The following PPIP5K2 variants were observed in gnomAD, a reference collection of about 807,000 sequenced individuals.
PPIP5K2 encodes the protein inositol hexakisphosphate and diphosphoinositol-pentakisphosphate kinase 2.
PPIP5K2 carries 105 observed loss-of-function variants against 154.6 expected under a neutral mutation model. The ratio of observed to expected loss-of-function variants is 0.68; its 90% CI spans 0.58 to 0.80. The LOEUF (loss-of-function observed/expected upper bound fraction) is 0.80. Ranked by LOEUF, PPIP5K2 falls within the 30% of genes least tolerant of loss-of-function variation. The probability of loss-of-function intolerance (pLI) is 0.00; values close to 1 mark genes in which losing one functional copy is unlikely to be tolerated. For missense variants in PPIP5K2, 992 were observed against 1,504.6 expected (o/e 0.66, Z 5.64); for synonymous variants, 480 against 490.3 (o/e 0.98, Z 0.28).
At chr5:103,147,513 G>A (rs367889878) in intron 6 of PPIP5K2, among the ~76,000 whole-genome samples, 6 of 151,974 alleles carry the variant, frequency 3.9e-5, no homozygotes, top group East Asian at 3.9e-4. Context: ...CATGTTTGCC[G>A]TTGGGACACA....
intron 5 of PPIP5K2, among the ~76,000 whole-genome samples, chr5:103,144,556 A>G (rs1257642857): frequency 2.6e-5 from 4 of 152,186 alleles, no homozygotes; most frequent in Admixed American, 2.6e-4. Context: ...CCAAAACAGG[A>G]TGGTACTGGC....
chr5:103,139,804 T>C (rs1554205811), intron 5 of PPIP5K2, among the ~76,000 whole-genome samples: 1 of 152,164 alleles, frequency 6.6e-6, no homozygotes. Flanking sequence ...GAATCAGAAT[T>C]GTATCATGAG....
intron 30 of PPIP5K2, among the ~76,000 whole-genome samples, chr5:103,196,922 A>G (rs1424067137): frequency 1.3e-5 from 2 of 152,144 alleles, no homozygotes; most frequent in Admixed American, 1.3e-4. Context: ...ATCATCAACC[A>G]GGAAAGTAGA....
intron 17 of PPIP5K2, among the ~76,000 whole-genome samples, chr5:103,159,888 A>G (rs1393147371): frequency 3.9e-5 from 6 of 152,126 alleles, no homozygotes; most frequent in African/African-American, 1.4e-4. Context: ...CCTTCTGTCC[A>G]ACTGAAATTG....
intron 25 of PPIP5K2, 96 bp downstream of exon 25, chr5:103,183,503 C>A (rs1444422769): frequency 2.9e-6 from 3 of 1,017,456 alleles, no homozygotes; most frequent in African/African-American, 1.7e-5. Context: ...TATTTCACAT[C>A]AGAGTAAATC....
At chr5:103,174,058 A>G (rs1378647834) in intron 21 of PPIP5K2, 86 bp downstream of exon 21, 2 of 1,049,718 alleles carry the variant, frequency 1.9e-6, no homozygotes, top group Non-Finnish European at 2.8e-6. Context: ...GTGAAATTTT[A>G]GTAATTCATC....
At chr5:103,182,337 A>G (rs1258813907) in intron 24 of PPIP5K2, among the ~76,000 whole-genome samples, 2 of 152,188 alleles carry the variant, frequency 1.3e-5, no homozygotes, top group East Asian at 3.8e-4. Flanking sequence ...TAAAACGCAA[A>G]ACACATTTAT....
chr5:103,177,282 A>C (rs1428731788), intron 21 of PPIP5K2, among the ~76,000 whole-genome samples: 3 of 150,858 alleles, frequency 2.0e-5, no homozygotes, highest in Non-Finnish European at 4.4e-5. Context: ...GGAATTTGGA[A>C]TTGTTTTTGT....
chr5:103,159,803 C>T (rs782742042), intron 17 of PPIP5K2, among the ~76,000 whole-genome samples: 8 of 152,146 alleles, frequency 5.3e-5, no homozygotes, highest in Non-Finnish European at 1.0e-4. Context: ...AATCTACTCT[C>T]AGCAATTTTC....
At chr5:103,128,261 A>C (rs1429134170) in intron 1 of PPIP5K2, among the ~76,000 whole-genome samples, 1 of 152,172 alleles carries the variant, frequency 6.6e-6, no homozygotes, top group Non-Finnish European at 1.5e-5. Flanking sequence ...ACTACCAGTA[A>C]TCAAATGAAG....
rs781830462 is a variant in PPIP5K2 at position 103,129,682 on chromosome 5, C to T, written c.93C>T (p.Asp31=). ...YRHFFHHADE[D]DEEEDDSPPE... Reference sequence around the variant, plus strand: ...ATTTCTTCCACCATGCAGATGAAGACGATGAGGAGGAAGATGATTCTGTAA... The same window carrying T: ...ATTTCTTCCACCATGCAGATGAAGATGATGAGGAGGAAGATGATTCTGTAA... Residue 31 remains aspartate (D), a synonymous_variant, in exon 2 of 31, where the codon GAC becomes GAT. Transcript: ENST00000358359. 15 of 1,607,058 alleles carry T rather than the reference C, an allele frequency of 9.3e-6. No homozygotes were observed. The highest frequency in any genetic ancestry group is 9.0e-5 in the East Asian group (4 of 44,556).
At chr5:103,155,404 G>GTGT (rs1554212864) in intron 13 of PPIP5K2, among the ~76,000 whole-genome samples, 1 of 23,944 alleles carries the variant, frequency 4.2e-5, no homozygotes, top group East Asian at 1.7e-3. Flanking sequence ...CTTCAGAGTT[G>GTGT]TCTTTTTTTT....
Position 103,211,853 on chromosome 5 carries a change from T to A in PPIP5K2, c.*10219T>A, listed in dbSNP as rs1021051363. On this transcript the variant is annotated 3_prime_UTR_variant, in exon 31 of 31. Transcript: ENST00000358359. The stretch of plus-strand genomic sequence containing the variant: ...TGGCAAAATAACCCACATAATTAAC[T>A]GCTTTGTTACAAAAACTTGGAAATA... The A allele has an allele frequency of 1.3e-5, 2 of 152,144 alleles. No individual in the cohort carries two copies. Among genetic ancestry groups the A allele is most frequent in the African/African-American group, 2.4e-5 (1 of 41,452 alleles). The allele number at this position is 152,144 out of a possible 1,614,324, so 9.4% of individuals were successfully genotyped here.
At chr5:103,142,320 C>T (rs1444665994) in intron 5 of PPIP5K2, among the ~76,000 whole-genome samples, 1 of 152,208 alleles carries the variant, frequency 6.6e-6, no homozygotes, top group African/African-American at 2.4e-5. Flanking sequence ...GCCGGCTGCT[C>T]CGAGTGCGGG....
chr5:103,141,823 C>G (rs1792732479), intron 5 of PPIP5K2, among the ~76,000 whole-genome samples: 1 of 152,160 alleles, frequency 6.6e-6, no homozygotes, highest in African/African-American at 2.4e-5. Context: ...CTCCAAGGCC[C>G]CACCAGAGAG....
At chr5:103,139,418 G>A (rs1312707463) in intron 5 of PPIP5K2, among the ~76,000 whole-genome samples, 1 of 152,150 alleles carries the variant, frequency 6.6e-6, no homozygotes, top group East Asian at 1.9e-4. Context: ...CCAAGGTGGT[G>A]CCTCTAGGAG....
At chr5:103,186,524 C>A in intron 27 of PPIP5K2, 85 bp downstream of exon 27, 1 of 1,554,772 alleles carries the variant, frequency 6.4e-7, no homozygotes, top group Non-Finnish European at 8.8e-7. Flanking sequence ...AAATCTAAGG[C>A]CACTGACTGA....
intron 23 of PPIP5K2, among the ~76,000 whole-genome samples, chr5:103,178,223 C>T (rs1264684778): frequency 1.3e-5 from 2 of 151,850 alleles, no homozygotes; most frequent in Admixed American, 6.6e-5. Flanking sequence ...AATGGATAAC[C>T]TTAAACCTTT....
At chr5:103,158,649 C>A in intron 16 of PPIP5K2, 76 bp downstream of exon 16, 1 of 1,238,906 alleles carries the variant, frequency 8.1e-7, no homozygotes, top group Non-Finnish European at 1.1e-6. Context: ...TGGCTGGGCG[C>A]AGTGGCTTAC....
Sources: gnomAD v4.1 joint callset for allele counts (sites outside exome capture counted in the v4.1 genomes callset) on GRCh38, gnomAD v4.1.1 for gene constraint, MANE v1.5 for transcripts, NCBI Gene and HGNC (gene_info 2026-07-23, HGNC 2026-07-21) for gene names.